The following LARGE1 variants were observed in gnomAD, a reference collection of about 807,000 sequenced individuals.
The protein encoded by LARGE1 is LARGE xylosyl- and glucuronyltransferase 1.
LARGE1 carries 43 observed loss-of-function variants against 87.6 expected under a neutral mutation model. The ratio of observed to expected loss-of-function variants is 0.49; its 90% CI spans 0.38 to 0.63. LARGE1 has a LOEUF of 0.63. Among genes scored for constraint, LARGE1 ranks in the 30% least tolerant of loss-of-function variants. LARGE1 has a pLI of 0.00. For missense variants in LARGE1, 802 were observed against 1,000.2 expected (o/e 0.80, Z 2.67); for synonymous variants, 434 against 394.6 (o/e 1.10, Z -1.18).
At chr22:33,303,694 T>G (rs1319526741) in intron 12 of LARGE1, among the ~76,000 whole-genome samples, 1 of 152,098 alleles carries the variant, frequency 6.6e-6, no homozygotes, top group African/African-American at 2.4e-5. Flanking sequence ...CAATCTCGGC[T>G]CACTGCAACC....
Position 33,316,059 on chromosome 22 carries a change from G to A in LARGE1, c.1451+26C>T, listed in dbSNP as rs761270929. ...ATGTAACAGCCGCGGTGAGGAGACT[G>A]GGGTGGGTGAGGCCGTCTGCCATAC... On this transcript the variant is annotated intron_variant, in intron 11 of 14. Coordinates refer to ENST00000397394, the MANE Select transcript of LARGE1 (RefSeq NM_133642.5). The A allele has an allele frequency of 3.1e-6, 5 of 1,611,924 alleles. No individual in the cohort carries two copies. In the South Asian group the frequency reaches 5.5e-5, roughly 18 times the overall value.
At chr22:33,453,645 A>AGGC (rs994614464) in intron 6 of LARGE1, among the ~76,000 whole-genome samples, 23 of 152,146 alleles carry the variant, frequency 1.5e-4, no homozygotes, top group African/African-American at 5.6e-4. Flanking sequence ...TGGCAGTCTG[A>AGGC]GGCAGCCCAT....
chr22:33,188,880 A>G (rs780479979), intron 11 of LARGE1, among the ~76,000 whole-genome samples: 7 of 152,014 alleles, frequency 4.6e-5, no homozygotes, highest in Non-Finnish European at 8.8e-5. Flanking sequence ...GGACAAGGGC[A>G]TCTCTCTATT....
intron 1 of LARGE1, among the ~76,000 whole-genome samples, chr22:33,854,865 G>A (rs2063712465): frequency 2.0e-5 from 3 of 152,142 alleles, no homozygotes; most frequent in Non-Finnish European, 4.4e-5. Context: ...CAAGAGCCCG[G>A]CGAAGGTGCT....
chr22:33,300,447 C>T (rs1351038339), intron 12 of LARGE1, among the ~76,000 whole-genome samples: 2 of 152,216 alleles, frequency 1.3e-5, no homozygotes, highest in Non-Finnish European at 1.5e-5. Flanking sequence ...ACAATCATGG[C>T]TCACTCTAGC....
chr22:33,348,488 AT>A (rs1203614975), intron 9 of LARGE1, among the ~76,000 whole-genome samples: 1 of 152,170 alleles, frequency 6.6e-6, no homozygotes, highest in Non-Finnish European at 1.5e-5. Context: ...CTGTAATGGC[AT>A]TGTAGTAGGT....
At position 33,304,526 on chromosome 22, in the gene LARGE1, G is replaced by A. The variant is rs1317120269; in HGVS notation, c.1452-19C>T. ...CTGGAGCCTGGAAGAGACAGGGAGG[G>A]TGAGCCGCGGGACCTGGGCCATCCA... On this transcript the variant is annotated intron_variant, in intron 11 of 14. Coordinates refer to ENST00000397394, the MANE Select transcript of LARGE1 (RefSeq NM_133642.5). 5 of 1,557,990 alleles carry A rather than the reference G, an allele frequency of 3.2e-6. No individual in the cohort carries two copies. Among genetic ancestry groups the A allele is most frequent in the Non-Finnish European group, 4.3e-6 (5 of 1,152,530 alleles).
chr22:33,541,816 G>A (rs1036028933), intron 6 of LARGE1, among the ~76,000 whole-genome samples: 2 of 151,484 alleles, frequency 1.3e-5, no homozygotes, highest in African/African-American at 2.4e-5. Flanking sequence ...TTAAGTCAAG[G>A]AAACAAACAT....
At chr22:33,496,527 C>T (rs1225746836) in intron 6 of LARGE1, among the ~76,000 whole-genome samples, 2 of 152,052 alleles carry the variant, frequency 1.3e-5, no homozygotes, top group Admixed American at 6.5e-5. Flanking sequence ...ACCAAGACAC[C>T]AAGCTGAGTC....
intron 6 of LARGE1, among the ~76,000 whole-genome samples, chr22:33,496,815 T>C (rs1047379921): frequency 1.3e-5 from 2 of 152,226 alleles, no homozygotes; most frequent in African/African-American, 4.8e-5. Flanking sequence ...CTAATTTTTC[T>C]CTTTGTGATG....
chr22:33,103,050 T>G, the LARGE1 span, among the ~76,000 whole-genome samples: 3 of 152,026 alleles, frequency 2.0e-5, no homozygotes, highest in African/African-American at 7.2e-5. Context: ...CCCGCCGGTG[T>G]AGATGCCTTA....
At chr22:33,300,301 C>G (rs73166230) in intron 12 of LARGE1, among the ~76,000 whole-genome samples, 23,982 of 152,256 alleles carry the variant, frequency 0.16, 3,876 homozygotes, top group African/African-American at 0.42. Flanking sequence ...TAATGACAGA[C>G]TGAGTGCAGC....
chr22:33,459,346 C>G (rs1208061564), intron 6 of LARGE1, among the ~76,000 whole-genome samples: 1 of 152,052 alleles, frequency 6.6e-6, no homozygotes, highest in Non-Finnish European at 1.5e-5. Context: ...TGTTTAGCAT[C>G]TGCTCTCAAT....
At chr22:33,508,471 A>G (rs1297523805) in intron 6 of LARGE1, among the ~76,000 whole-genome samples, 1 of 152,206 alleles carries the variant, frequency 6.6e-6, no homozygotes, top group Non-Finnish European at 1.5e-5. Flanking sequence ...TGGTAACTCA[A>G]CACTAAAGTG....
At chr22:33,566,634 A>T (rs2078034736) in intron 5 of LARGE1, among the ~76,000 whole-genome samples, 1 of 152,172 alleles carries the variant, frequency 6.6e-6, no homozygotes, top group African/African-American at 2.4e-5. Context: ...TTGGAAGGGA[A>T]GCCGAGAGGG....
At chr22:33,709,236 C>T (rs2018139) in intron 2 of LARGE1, among the ~76,000 whole-genome samples, 70,352 of 151,888 alleles carry the variant, frequency 0.46, 16,483 homozygotes, top group East Asian at 0.55. Flanking sequence ...GAAGCCACCC[C>T]GCTCATCTGC....
chr22:33,778,566 T>A (rs1390201082), intron 1 of LARGE1, among the ~76,000 whole-genome samples: 1 of 152,204 alleles, frequency 6.6e-6, no homozygotes, highest in African/African-American at 2.4e-5. Context: ...TGTGGGATCA[T>A]TCAACACATG....
intron 1 of LARGE1, among the ~76,000 whole-genome samples, chr22:33,915,042 C>CAGAGAG (rs57289711): frequency 0.044 from 6,077 of 136,968 alleles, 175 homozygotes; most frequent in South Asian, 0.059. Context: ...CACACACACA[C>CAGAGAG]AGAGAGAGAG....
chr22:33,889,245 T>G (rs1456411907), intron 1 of LARGE1: 2 of 152,246 alleles, frequency 1.3e-5, no homozygotes, highest in African/African-American at 4.8e-5. Context: ...TTGTATTGTC[T>G]TCCGTTTTAA....
Sources: allele counts gnomAD v4.1 joint callset (sites outside exome capture counted in the v4.1 genomes callset), GRCh38; gene constraint gnomAD v4.1.1; transcripts MANE v1.5; gene names NCBI Gene and HGNC (gene_info 2026-07-23, HGNC 2026-07-21).